The following CCSER1 variants were observed in gnomAD, a reference collection of about 807,000 sequenced individuals.
The protein encoded by CCSER1 is coiled-coil serine rich protein 1, also known as serine-rich coiled-coil domain-containing protein 1.
CCSER1 carries 41 observed loss-of-function variants against 82.0 expected under a neutral mutation model. The observed-to-expected ratio is 0.50, with a 90% CI of 0.39 to 0.65. The LOEUF is 0.65. CCSER1 is among the 30% of genes least tolerant of loss of function. The pLI, the probability that CCSER1 is intolerant of heterozygous loss-of-function variation, is 0.00. For missense variants in CCSER1, 1,119 were observed against 1,064.2 expected, an observed-to-expected ratio of 1.05 and a Z score of -0.72; for synonymous variants, 414 against 383.9, an observed-to-expected ratio of 1.08 and a Z score of -0.92.
chr4:91,151,612 G>C (rs569270805), intron 10 of CCSER1, among the ~76,000 whole-genome samples: 2 of 152,132 alleles, frequency 1.3e-5, no homozygotes, highest in Non-Finnish European at 2.9e-5. Flanking sequence ...TGGGCATTTA[G>C]TGCTATAAAT....
At chr4:90,709,778 A>C (rs1740148249) in intron 6 of CCSER1, among the ~76,000 whole-genome samples, 1 of 152,082 alleles carries the variant, frequency 6.6e-6, no homozygotes, top group African/African-American at 2.4e-5. Context: ...AGAATGATTT[A>C]TATTTCTTTG....
chr4:90,715,064 G>T (rs1741377211), intron 6 of CCSER1, among the ~76,000 whole-genome samples: 1 of 151,890 alleles, frequency 6.6e-6, no homozygotes, highest in Non-Finnish European at 1.5e-5. Flanking sequence ...TCCAGTTATT[G>T]CTTCCTACCT....
rs915558329 is a variant in CCSER1 at position 90,689,035 on chromosome 4, C to T, written c.1933-34879C>T. Among the ~76,000 whole-genome samples the T allele has an allele frequency of 2.7e-4, 41 of 152,248 alleles. 1 individual carries two copies. The highest frequency in any genetic ancestry group is 2.6e-3 in the Admixed American group (40 of 15,276). On this transcript the variant is annotated intron_variant, in intron 6 of 10. Coordinates refer to ENST00000509176, the MANE Select transcript of CCSER1 (RefSeq NM_001145065.2). ...CAGTCTTATGCATACTAAATGGACT[C>T]TGGCAACATCACACATTTACCTAAG...
intron 9 of CCSER1, among the ~76,000 whole-genome samples, chr4:90,980,593 G>A (rs1286139286): frequency 6.6e-6 from 1 of 151,822 alleles, no homozygotes. Flanking sequence ...GTATTGGGTT[G>A]TTGTAATAGC....
chr4:90,671,811 A>G (rs1327895922), intron 6 of CCSER1, among the ~76,000 whole-genome samples: 1 of 152,066 alleles, frequency 6.6e-6, no homozygotes, highest in South Asian at 2.1e-4. Flanking sequence ...TTTTAAAATA[A>G]TAACTCTTGA....
chr4:90,341,997 T>C (rs956917361), intron 3 of CCSER1, among the ~76,000 whole-genome samples: 8 of 152,174 alleles, frequency 5.3e-5, no homozygotes, highest in African/African-American at 1.9e-4. Flanking sequence ...TTTTCATGAC[T>C]ACCTCCCCTT....
chr4:90,410,212 G>T (rs553675175), intron 4 of CCSER1, among the ~76,000 whole-genome samples: 15 of 152,210 alleles, frequency 9.9e-5, no homozygotes, highest in African/African-American at 3.1e-4. Context: ...GTCAACATTA[G>T]ACAGATCAAT....
chr4:91,106,109 C>T lies in CCSER1; in HGVS notation c.2217+20115C>T, dbSNP rs1315675281. ...GTGGCAAGATACATTTCACTCTGAA[C>T]ACTAGAAAAACAGGGTCCTGTCTCT... On this transcript the variant is annotated intron_variant, in intron 10 of 10. Transcript: ENST00000509176. Among the ~76,000 whole-genome samples the T allele has an allele frequency of 3.9e-5, 6 of 152,288 alleles. No homozygotes were observed. In the South Asian group the frequency reaches 1.2e-3, roughly 32 times the overall value.
intron 10 of CCSER1, among the ~76,000 whole-genome samples, chr4:91,449,477 C>T (rs1042495819): frequency 6.6e-6 from 1 of 151,962 alleles, no homozygotes; most frequent in Non-Finnish European, 1.5e-5. Context: ...AGACACCTCT[C>T]TCTCCAGTAA....
At chr4:90,391,305 A>G (rs1353248186) in intron 3 of CCSER1, among the ~76,000 whole-genome samples, 2 of 146,634 alleles carry the variant, frequency 1.4e-5, no homozygotes, top group African/African-American at 5.0e-5. Flanking sequence ...AAGAAAAAGA[A>G]GTAGCCCTTT....
chr4:90,800,928 A>C (rs866904448), intron 7 of CCSER1, among the ~76,000 whole-genome samples: 4 of 152,304 alleles, frequency 2.6e-5, no homozygotes, highest in Non-Finnish European at 2.9e-5. Flanking sequence ...GAAAGACTTG[A>C]GTAGTGTTTT....
chr4:91,263,314 TG>T (rs1407336069), intron 10 of CCSER1, among the ~76,000 whole-genome samples: 1 of 152,080 alleles, frequency 6.6e-6, no homozygotes, highest in Non-Finnish European at 1.5e-5. Context: ...GATATGGTTC[TG>T]AAGAGGTTAA....
intron 7 of CCSER1, 66 bp downstream of exon 7, chr4:90,724,057 A>G: frequency 1.0e-6 from 1 of 974,028 alleles, no homozygotes; most frequent in Non-Finnish European, 1.6e-6. Context: ...AGTTTAAAAT[A>G]GTTTATGTGT....
intron 9 of CCSER1, among the ~76,000 whole-genome samples, chr4:91,024,381 ATTTG>A (rs1268547595): frequency 6.6e-6 from 1 of 152,114 alleles, no homozygotes. Flanking sequence ...TATTTCTAGA[ATTTG>A]TTTGTATTGT....
intron 10 of CCSER1, among the ~76,000 whole-genome samples, chr4:91,305,257 C>CA (rs959672713): frequency 5.6e-4 from 84 of 150,980 alleles, no homozygotes; most frequent in Middle Eastern, 6.8e-3. Context: ...TTATAAAATG[C>CA]AAAAAAAAGA....
intron 1 of CCSER1, among the ~76,000 whole-genome samples, chr4:90,208,113 C>A (rs1257822548): frequency 1.3e-5 from 2 of 152,218 alleles, no homozygotes. Context: ...CCCCTTCCCC[C>A]AGGTGCTCTG....
At chr4:90,325,075 G>A (rs978384015) in intron 3 of CCSER1, among the ~76,000 whole-genome samples, 1 of 152,074 alleles carries the variant, frequency 6.6e-6, no homozygotes, top group Non-Finnish European at 1.5e-5. Flanking sequence ...TCCTTCACAT[G>A]TTATTAAAAC....
intron 10 of CCSER1, among the ~76,000 whole-genome samples, chr4:91,149,812 G>T (rs1182679011): frequency 6.6e-6 from 1 of 151,982 alleles, no homozygotes; most frequent in Non-Finnish European, 1.5e-5. Context: ...GATTTCTGAG[G>T]GCTCTGTTCT....
intron 9 of CCSER1, among the ~76,000 whole-genome samples, chr4:90,960,071 T>C (rs1287464626): frequency 6.6e-6 from 1 of 152,210 alleles, no homozygotes; most frequent in East Asian, 1.9e-4. Context: ...GAAATAGCTT[T>C]CCTTTGTAAT....
Sources: gnomAD v4.1 joint callset for allele counts (sites outside exome capture counted in the v4.1 genomes callset) on GRCh38, gnomAD v4.1.1 for gene constraint, MANE v1.5 for transcripts, NCBI Gene and HGNC (gene_info 2026-07-23, HGNC 2026-07-21) for gene names.